Variants in NAV3 observed in about 807,000 individuals in gnomAD.
NAV3 encodes pore membrane and/or filament interacting like protein 1.
In NAV3, 87 loss-of-function variants were observed where a neutral mutation model predicts 244.7. That is an observed-to-expected ratio of 0.36 (90% CI 0.30 to 0.42). NAV3 has a LOEUF of 0.42. Among genes scored for constraint, NAV3 ranks in the 20% least tolerant of loss-of-function variants. The pLI is 1.00. For missense variants in NAV3, 2,663 were observed against 2,893.3 expected, an observed-to-expected ratio of 0.92 and a Z score of 1.83; for synonymous variants, 1,126 against 1,042.2, an observed-to-expected ratio of 1.08 and a Z score of -1.55.
In NAV3 at chr12:77,737,881, C is replaced by CT. The variant is rs557669601; in HGVS notation, c.72+165622dup. Among the ~76,000 whole-genome samples, 621 of 152,188 alleles carry CT rather than the reference C, an allele frequency of 4.1e-3. 2 individuals are homozygous for CT. Among genetic ancestry groups the CT allele is most frequent in the Non-Finnish European group, 6.8e-3 (461 of 67,994 alleles). ...CATATCCTGGAGTGGTTCAAACATGCTTTTTTTGTGTTTCTTTAGTTTCCT... is the reference window on the plus strand; with the variant it reads ...CATATCCTGGAGTGGTTCAAACATGCTTTTTTTTGTGTTTCTTTAGTTTCCT... On this transcript the variant is annotated intron_variant, in intron 2 of 8. Coordinates refer to the NAV3 transcript ENST00000550042.
chr12:77,827,775 C>A (rs1873165932), upstream of NAV3, among the ~76,000 whole-genome samples: 1 of 152,186 alleles, frequency 6.6e-6, no homozygotes, highest in Non-Finnish European at 1.5e-5. Flanking sequence ...ATTCTCACAG[C>A]ACCCCTGTGA....
At position 77,819,464 on chromosome 12, in the gene NAV3, T is replaced by C. The variant is rs111254654; in HGVS notation, c.73-120855T>C. ...CAAATTTTCCTTTATTCTCATTTCT[T>C]TGAAGTTTGTGAAACTTCTTCAATT... On this transcript the variant is annotated intron_variant, in intron 2 of 8. Coordinates refer to the NAV3 transcript ENST00000550042. 1.0e-3 allele frequency among the ~76,000 whole-genome samples: 154 copies of C among 151,966 alleles called. No individual in the cohort carries two copies. The Middle Eastern group carries it at 0.014, about 13-fold the overall frequency.
chr12:77,718,989 T>C (rs1424561578), intron 2 of NAV3, among the ~76,000 whole-genome samples: 6 of 152,202 alleles, frequency 3.9e-5, no homozygotes, highest in Admixed American at 2.0e-4. Context: ...CCTTCGCTGA[T>C]TTCTTTCAGC....
At chr12:77,675,665 C>G (rs1357554867) in intron 2 of NAV3, among the ~76,000 whole-genome samples, 4 of 152,056 alleles carry the variant, frequency 2.6e-5, no homozygotes, top group African/African-American at 9.7e-5. Flanking sequence ...AAACATCAGC[C>G]TCTCATTTAG....
intron 2 of NAV3, among the ~76,000 whole-genome samples, chr12:77,582,437 C>T (rs1343233257): frequency 2.0e-5 from 3 of 152,200 alleles, no homozygotes; most frequent in African/African-American, 4.8e-5. Context: ...CCGGTTTGAT[C>T]ATATTACACT....
chr12:78,137,334 T>G lies in NAV3; in HGVS notation c.4599T>G (p.His1533Gln). ...SLEERPRAIS[H>Q]SGSFRDSMEE... ...AGGAAAGACCTCGTGCCATCAGTCA[T>G]TCGGGCTCATTCAGAGACAGCATGG... The change falls in exon 19 of 40, where the codon CAT becomes CAG. Residue 1533 changes from histidine (H) to glutamine (Q), a missense_variant. Physicochemically the swap from His to Gln is conservative, Grantham distance 24. This residue lies in a region of NAV3 where 354 missense variants were observed against 413.0 expected (regional missense o/e 0.86). Transcript: ENST00000397909. The G allele has an allele frequency of 3.1e-6, 5 of 1,612,830 alleles. No homozygotes were observed. Among genetic ancestry groups the G allele is most frequent in the Non-Finnish European group, 4.2e-6 (5 of 1,179,580 alleles).
intron 12 of NAV3, among the ~76,000 whole-genome samples, chr12:78,114,372 T>C (rs776243298): frequency 2.0e-5 from 3 of 152,148 alleles, no homozygotes; most frequent in Non-Finnish European, 2.9e-5. Context: ...ATTCTCATGC[T>C]GATAATAAAG....
chr12:77,863,755 A>G (rs757930354), intron 1 of NAV3, among the ~76,000 whole-genome samples: 21 of 151,898 alleles, frequency 1.4e-4, no homozygotes, highest in Non-Finnish European at 2.5e-4. Context: ...TATAACCACA[A>G]AGAGGCTTGT....
intron 1 of NAV3, among the ~76,000 whole-genome samples, chr12:77,934,687 C>T (rs1055755584): frequency 1.3e-5 from 2 of 152,154 alleles, no homozygotes; most frequent in Non-Finnish European, 2.9e-5. Context: ...CAGTTATTAT[C>T]ATAGAAACCC....
chr12:77,996,754 G>C (rs1872408743), intron 6 of NAV3, among the ~76,000 whole-genome samples: 1 of 152,080 alleles, frequency 6.6e-6, no homozygotes, highest in African/African-American at 2.4e-5. Context: ...ACTAATATGA[G>C]AGACATTAAT....
intron 1 of NAV3, among the ~76,000 whole-genome samples, chr12:77,881,647 C>A (rs1565886038): frequency 6.6e-6 from 1 of 151,954 alleles, no homozygotes; most frequent in Non-Finnish European, 1.5e-5. Flanking sequence ...GTCTTTCTTC[C>A]CTGACGATAA....
At chr12:78,044,250 G>T (rs1399484043) in intron 9 of NAV3, among the ~76,000 whole-genome samples, 1 of 152,058 alleles carries the variant, frequency 6.6e-6, no homozygotes, top group Non-Finnish European at 1.5e-5. Flanking sequence ...TAGATGTGTG[G>T]TGTTATTTCT....
chr12:78,034,449 T>A (rs1016326643), intron 9 of NAV3, among the ~76,000 whole-genome samples: 1 of 152,194 alleles, frequency 6.6e-6, no homozygotes, highest in African/African-American at 2.4e-5. Context: ...CACAGCGAAC[T>A]GTGTTTTGAT....
intron 5 of NAV3, among the ~76,000 whole-genome samples, chr12:77,981,309 C>T (rs1318792207): frequency 6.6e-6 from 1 of 152,140 alleles, no homozygotes; most frequent in Non-Finnish European, 1.5e-5. Flanking sequence ...ATATCTCTCT[C>T]TTTCTTAGTG....
intron 12 of NAV3, among the ~76,000 whole-genome samples, chr12:78,086,525 T>C (rs1490975601): frequency 6.6e-6 from 1 of 152,094 alleles, no homozygotes; most frequent in East Asian, 1.9e-4. Context: ...TTGCTACCAA[T>C]ATTTTTATCA....
At chr12:77,749,490 T>C (rs1868730751) in intron 2 of NAV3, among the ~76,000 whole-genome samples, 1 of 152,194 alleles carries the variant, frequency 6.6e-6, no homozygotes, top group African/African-American at 2.4e-5. Flanking sequence ...GCTGAGTTGA[T>C]GGGTTGCATC....
intron 2 of NAV3, among the ~76,000 whole-genome samples, chr12:77,660,036 C>G (rs1328129313): frequency 2.6e-5 from 4 of 151,526 alleles, no homozygotes; most frequent in African/African-American, 7.3e-5. Context: ...GTGCAGTGCA[C>G]CAGCATGTCA....
At position 77,613,057 on chromosome 12, in the gene NAV3, T is replaced by G. The variant is rs1870989967; in HGVS notation, c.72+40791T>G. 2.0e-5 allele frequency among the ~76,000 whole-genome samples: 3 copies of G among 152,252 alleles called. No homozygotes were observed. The South Asian group carries it at 6.2e-4, about 32-fold the overall frequency. ...CAACCATGCTGAACTGTGAGTCAAT[T>G]AAATCTCTTTCCTTTATAAATTACC... On this transcript the variant is annotated intron_variant, in intron 2 of 8. Transcript: ENST00000550042.
chr12:78,141,290 T>G (rs1389527706), intron 20 of NAV3, among the ~76,000 whole-genome samples: 1 of 152,196 alleles, frequency 6.6e-6, no homozygotes, highest in Non-Finnish European at 1.5e-5. Context: ...TTTTTCTGTT[T>G]GGTAAATACA....
Sources: gnomAD v4.1 joint callset for allele counts (sites outside exome capture counted in the v4.1 genomes callset) on GRCh38, gnomAD v4.1.1 for gene constraint, gnomAD v4.1.1 regional missense constraint, MANE v1.5 for transcripts, NCBI Gene and HGNC (gene_info 2026-07-23, HGNC 2026-07-21) for gene names.